Variants in CNOT1 observed in about 807,000 individuals in gnomAD.
CNOT1 encodes CCR4-associated factor 1.
Under a neutral mutation model 273.8 loss-of-function variants are expected in CNOT1, and 15 were observed. The observed-to-expected ratio is 0.05, with a 90% confidence interval of 0.04 to 0.08. CNOT1 has a LOEUF of 0.08. CNOT1 is among the 10% of genes least tolerant of loss of function. CNOT1 has a pLI of 1.00. For missense variants in CNOT1, 1,644 were observed against 2,912.2 expected (o/e 0.56, Z 10.02); for synonymous variants, 1,022 against 1,005.5 (o/e 1.02, Z -0.31).
chr16:58,601,378 T>G (rs1014652017), intron 1 of CNOT1, among the ~76,000 whole-genome samples: 1 of 152,148 alleles, frequency 6.6e-6, no homozygotes, highest in African/African-American at 2.4e-5. Context: ...ATTACAGGCG[T>G]GAGCCACTGC....
intron 8 of CNOT1, 59 bp from the exon 9 acceptor site, chr16:58,583,241 A>G (rs911252908): frequency 2.5e-6 from 4 of 1,592,370 alleles, no homozygotes; most frequent in Non-Finnish European, 3.4e-6. Flanking sequence ...AGATTGAGAA[A>G]TTCTGGCATT....
chr16:58,611,156 C>T (rs1326412234), intron 1 of CNOT1, among the ~76,000 whole-genome samples: 4 of 151,794 alleles, frequency 2.6e-5, no homozygotes, highest in East Asian at 2.0e-4. Context: ...AGGCTGAGTG[C>T]GGTGGCTCAT....
intron 13 of CNOT1, 91 bp from the exon 14 acceptor site, chr16:58,576,673 T>A: frequency 1.9e-6 from 3 of 1,552,468 alleles, no homozygotes; most frequent in Admixed American, 1.8e-5. Flanking sequence ...CTAGAACTTG[T>A]ATAAAAATCA....
intron 2 of CNOT1, 137 bp downstream of exon 2, chr16:58,599,099 A>T: frequency 1.1e-6 from 1 of 936,068 alleles, no homozygotes; most frequent in Non-Finnish European, 1.6e-6. Context: ...TTTACAGATG[A>T]TGATGACAGA....
At chr16:58,541,252 T>C (rs2040087072) in intron 34 of CNOT1, among the ~76,000 whole-genome samples, 2 of 152,142 alleles carry the variant, frequency 1.3e-5, no homozygotes, top group Non-Finnish European at 2.9e-5. Flanking sequence ...AAAGTTATTA[T>C]GTTACCATGA....
At chr16:58,629,338 A>T (rs938720181) in intron 1 of CNOT1, among the ~76,000 whole-genome samples, 2 of 152,200 alleles carry the variant, frequency 1.3e-5, no homozygotes, top group Non-Finnish European at 2.9e-5. Flanking sequence ...CAGAAACAGT[A>T]GTTAAGGAGG....
chr16:58,545,893 A>C (rs2040243917), intron 29 of CNOT1, among the ~76,000 whole-genome samples: 1 of 152,220 alleles, frequency 6.6e-6, no homozygotes, highest in African/African-American at 2.4e-5. Context: ...CACAACTCCC[A>C]ATCATTCAAC....
At chr16:58,592,350 A>G (rs1275862610) in intron 2 of CNOT1, among the ~76,000 whole-genome samples, 5 of 152,186 alleles carry the variant, frequency 3.3e-5, no homozygotes, top group African/African-American at 1.2e-4. Flanking sequence ...TAAAAAAAAA[A>G]ATCTTCCCTA....
At chr16:58,591,198 G>A (rs1182856592) in intron 2 of CNOT1, among the ~76,000 whole-genome samples, 1 of 152,188 alleles carries the variant, frequency 6.6e-6, no homozygotes, top group Non-Finnish European at 1.5e-5. Context: ...GAGGGAATCA[G>A]AGGGCCAGAT....
At chr16:58,545,613 A>ACCAG in intron 29 of CNOT1, 122 bp from the exon 30 acceptor site, 70 of 1,465,886 alleles carry the variant, frequency 4.8e-5, no homozygotes, top group Non-Finnish European at 5.7e-5. Flanking sequence ...AGAGGAGGGA[A>ACCAG]GGATGTAGCA....
At chr16:58,592,098 A>G (rs2151994088) in intron 2 of CNOT1, among the ~76,000 whole-genome samples, 1 of 152,250 alleles carries the variant, frequency 6.6e-6, no homozygotes, top group East Asian at 1.9e-4. Context: ...CAATTTTTTA[A>G]TTATTTTACT....
chr16:58,539,623 G>T, intron 35 of CNOT1, 145 bp downstream of exon 35: 1 of 751,252 alleles, frequency 1.3e-6, no homozygotes, highest in Non-Finnish European at 1.8e-6. Context: ...ATTCTACGTT[G>T]GAAAAAAAAA....
chr16:58,621,094 G>A (rs1037596508), intron 1 of CNOT1, among the ~76,000 whole-genome samples: 1 of 151,102 alleles, frequency 6.6e-6, no homozygotes, highest in Non-Finnish European at 1.5e-5. Context: ...CTGCAGCCTC[G>A]ACCTCCCCAG....
chr16:58,532,160 G>A, intron 41 of CNOT1, 72 bp downstream of exon 41: 2 of 1,606,038 alleles, frequency 1.2e-6, no homozygotes, highest in Non-Finnish European at 1.7e-6. Flanking sequence ...AAATGCTCAA[G>A]AGTTCTACTC....
chr16:58,572,770 G>A (rs1477884612), intron 16 of CNOT1, among the ~76,000 whole-genome samples: 2 of 151,358 alleles, frequency 1.3e-5, no homozygotes, highest in Non-Finnish European at 2.9e-5. Flanking sequence ...TAGTTGGGAG[G>A]GGTGGCATGT....
In CNOT1 at chr16:58,628,612, A is replaced by AC. The variant is rs1436430268; in HGVS notation, c.-175+1115_-175+1116insG. Among the ~76,000 whole-genome samples the AC allele has an allele frequency of 3.2e-3, 489 of 152,024 alleles. 2 individuals are homozygous for AC. Among genetic ancestry groups the AC allele is most frequent in the African/African-American group, 0.011 (465 of 41,442 alleles). ...CAATCACTGACTTAAAAAAAAAAAA[A>AC]AACCCAAGTAGTCACAGGCTATCGA... On this transcript the variant is annotated intron_variant, in intron 1 of 48. Transcript: ENST00000317147.
chr16:58,540,978 G>A (rs1327474067), intron 34 of CNOT1, among the ~76,000 whole-genome samples: 4 of 152,228 alleles, frequency 2.6e-5, no homozygotes, highest in African/African-American at 4.8e-5. Context: ...GGCCAAGGTA[G>A]GCGATCACTT....
At chr16:58,571,725 C>T (rs1038000197) in intron 16 of CNOT1, among the ~76,000 whole-genome samples, 4 of 152,198 alleles carry the variant, frequency 2.6e-5, no homozygotes, top group Non-Finnish European at 4.4e-5. Flanking sequence ...TGCCTGTGAT[C>T]CCAGCACTTT....
chr16:58,545,408 C>T lies in CNOT1; in HGVS notation c.4090G>A (p.Val1364Ile). Residue 1364 changes from valine to isoleucine, a missense_variant, in exon 30 of 49, where the codon GTC becomes ATC. This residue lies in a region of CNOT1 where 133 missense variants were observed against 230.4 expected (regional missense o/e 0.58). Coordinates refer to ENST00000317147, the MANE Select transcript of CNOT1 (RefSeq NM_016284.5). ...GGTGCCAAGCCCGCAAGGGAATAGA[C>T]ATTGATGTCGTGGTAGCTGTACTGT... ...QPQYSYHDIN[V>I]YSLAGLAPHI... 6.2e-7 allele frequency: 1 copy of T among 1,614,096 alleles called. No homozygotes were observed. Among genetic ancestry groups the T allele is most frequent in the Non-Finnish European group, 8.5e-7 (1 of 1,179,952 alleles).
Sources: gnomAD v4.1 joint callset for allele counts (sites outside exome capture counted in the v4.1 genomes callset) on GRCh38, gnomAD v4.1.1 for gene constraint, gnomAD v4.1.1 regional missense constraint, MANE v1.5 for transcripts, NCBI Gene and HGNC (gene_info 2026-07-23, HGNC 2026-07-21) for gene names.